CALN1: variants seen among roughly 807,000 people sequenced by gnomAD.
CALN1 encodes the protein calcium-binding protein 8.
CALN1 carries 17 observed loss-of-function variants against 30.6 expected under a neutral mutation model. The ratio of observed to expected loss-of-function variants is 0.56; its 90% CI spans 0.38 to 0.83. The LOEUF (loss-of-function observed/expected upper bound fraction) is 0.83, where lower values mean the gene tolerates loss of function less well. CALN1 is among the 40% of genes least tolerant of loss of function. CALN1 has a pLI of 0.00. For synonymous variants in CALN1, 156 were observed against 131.4 expected (o/e 1.19, Z -1.28); for missense variants, 291 against 354.9 (o/e 0.82, Z 1.45).
chr7:72,180,791 T>A (rs1789723841), intron 3 of CALN1, among the ~76,000 whole-genome samples: 1 of 151,726 alleles, frequency 6.6e-6, no homozygotes, highest in Admixed American at 6.6e-5. Context: ...TAAGTGCCAA[T>A]CTTTGGAGTA....
intron 3 of CALN1, among the ~76,000 whole-genome samples, chr7:72,203,811 CA>C (rs1791608807): frequency 6.6e-6 from 1 of 151,904 alleles, no homozygotes; most frequent in Non-Finnish European, 1.5e-5. Flanking sequence ...TGTTTAATAA[CA>C]TTTTTTTTTC....
chr7:72,291,181 C>A (rs186570293), intron 2 of CALN1, among the ~76,000 whole-genome samples: 1 of 152,296 alleles, frequency 6.6e-6, no homozygotes, highest in East Asian at 1.9e-4. Flanking sequence ...CCTTAGCATC[C>A]CAAAGTGCTG....
At chr7:72,391,048 C>T (rs1805546856) in intron 2 of CALN1, among the ~76,000 whole-genome samples, 1 of 152,072 alleles carries the variant, frequency 6.6e-6, no homozygotes, top group Non-Finnish European at 1.5e-5. Context: ...CCAGTTACTC[C>T]CAAGCCTTCG....
At chr7:72,341,276 A>C (rs1269006141) in intron 2 of CALN1, among the ~76,000 whole-genome samples, 1 of 152,160 alleles carries the variant, frequency 6.6e-6, no homozygotes, top group East Asian at 1.9e-4. Context: ...TAATCCCAGC[A>C]CTTTGGGAAG....
At chr7:72,096,078 TAGATAGATAGATAA>T (rs1157810011) in intron 4 of CALN1, among the ~76,000 whole-genome samples, 3 of 151,674 alleles carry the variant, frequency 2.0e-5, no homozygotes, top group East Asian at 1.9e-4. Context: ...GATAGATAGA[TAGATAGATAGATAA>T]AGATAGATAG....
At chr7:71,903,062 A>G (rs1793948288) in intron 5 of CALN1, among the ~76,000 whole-genome samples, 1 of 151,940 alleles carries the variant, frequency 6.6e-6, no homozygotes, top group Non-Finnish European at 1.5e-5. Flanking sequence ...CTTTTTTTTA[A>G]AAAAAGTAAA....
At chr7:72,145,928 G>A (rs940339839) in intron 3 of CALN1, among the ~76,000 whole-genome samples, 91 of 152,146 alleles carry the variant, frequency 6.0e-4, no homozygotes, top group African/African-American at 2.0e-3. Context: ...ACAGCCCTTC[G>A]TGCTAAAAAC....
intron 2 of CALN1, among the ~76,000 whole-genome samples, chr7:72,331,266 C>T (rs1018385985): frequency 6.6e-6 from 1 of 152,102 alleles, no homozygotes; most frequent in Admixed American, 6.5e-5. Flanking sequence ...AGAAGAATCG[C>T]TTGAACCCAG....
At chr7:72,085,256 C>T (rs1281588117) in intron 4 of CALN1, among the ~76,000 whole-genome samples, 1 of 152,152 alleles carries the variant, frequency 6.6e-6, no homozygotes, top group Non-Finnish European at 1.5e-5. Context: ...GCAAGGATTG[C>T]TTGAGACCAG....
At chr7:72,407,042 A>C (rs1468539420) in intron 1 of CALN1, among the ~76,000 whole-genome samples, 1 of 152,146 alleles carries the variant, frequency 6.6e-6, no homozygotes, top group Non-Finnish European at 1.5e-5. Context: ...CCACCCAAAA[A>C]GTGATGTAGC....
At chr7:72,324,534 CTT>C (rs1801126975) in intron 2 of CALN1, among the ~76,000 whole-genome samples, 1 of 148,332 alleles carries the variant, frequency 6.7e-6, no homozygotes, top group Non-Finnish European at 1.5e-5. Context: ...CTCTCTCTCT[CTT>C]TTTCCCTCCT....
intron 2 of CALN1, among the ~76,000 whole-genome samples, chr7:72,380,030 A>T (rs1377115947): frequency 1.3e-5 from 2 of 152,220 alleles, no homozygotes; most frequent in African/African-American, 4.8e-5. Flanking sequence ...AAGTATTATA[A>T]ATAGGGTATT....
chr7:72,491,584 T>C, the CALN1 span, among the ~76,000 whole-genome samples: 1 of 152,082 alleles, frequency 6.6e-6, no homozygotes, highest in South Asian at 2.1e-4. Context: ...GAGAAAAAAA[T>C]GGTGTTCTGC....
intron 2 of CALN1, among the ~76,000 whole-genome samples, chr7:72,380,818 G>C (rs748595869): frequency 6.6e-6 from 1 of 152,090 alleles, no homozygotes; most frequent in Non-Finnish European, 1.5e-5. Flanking sequence ...CTCCAGTCTC[G>C]GCAACAGAGC....
chr7:71,894,361 C>T (rs987646571), intron 5 of CALN1, among the ~76,000 whole-genome samples: 1 of 152,068 alleles, frequency 6.6e-6, no homozygotes, highest in Non-Finnish European at 1.5e-5. Context: ...GGCATGATCA[C>T]GCCAACCAGG....
chr7:71,937,536 T>C (rs955592065), intron 5 of CALN1, among the ~76,000 whole-genome samples: 28 of 152,158 alleles, frequency 1.8e-4, no homozygotes, highest in Admixed American at 6.6e-5. Flanking sequence ...GGGAGTCCGG[T>C]GGTGCAATCA....
chr7:72,447,449 C>T (rs2968519), upstream of CALN1, among the ~76,000 whole-genome samples: 1,236 of 152,272 alleles, frequency 8.1e-3, 13 homozygotes, highest in African/African-American at 0.028. Flanking sequence ...CTAGGAAGTA[C>T]CAAGGTCCTG....
At chr7:72,499,894 TTTCTTTCTTTCTTTCTTTCTA>T in the CALN1 span, among the ~76,000 whole-genome samples, 1 of 45,522 alleles carries the variant, frequency 2.2e-5, no homozygotes, top group African/African-American at 1.5e-4. Flanking sequence ...TCTTTCTTTC[TTTCTTTCTTTCTTTCTTTCTA>T]TCTTTCTCTT....
chr7:72,331,449 A>G (rs1223541767), intron 2 of CALN1, among the ~76,000 whole-genome samples: 1 of 152,196 alleles, frequency 6.6e-6, no homozygotes, highest in Admixed American at 6.5e-5. Flanking sequence ...ACAGGGACCC[A>G]AAACTATGCC....
Sources: gnomAD v4.1 joint callset for allele counts (sites outside exome capture counted in the v4.1 genomes callset) on GRCh38, gnomAD v4.1.1 for gene constraint, MANE v1.5 for transcripts, NCBI Gene and HGNC (gene_info 2026-07-23, HGNC 2026-07-21) for gene names.